The following MALRD1 variants were observed in gnomAD, a reference collection of about 807,000 sequenced individuals.
MALRD1 encodes MAM and LDL receptor class A domain containing 1.
In MALRD1, 247 loss-of-function variants were observed where a neutral mutation model predicts 242.1. The ratio of observed to expected loss-of-function variants is 1.02; its 90% confidence interval spans 0.92 to 1.13. The LOEUF (loss-of-function observed/expected upper bound fraction) is 1.13, where lower values mean the gene tolerates loss of function less well. Ranked by LOEUF, MALRD1 falls within the 50% of genes most tolerant of loss-of-function variation. The pLI, the probability that MALRD1 is intolerant of heterozygous loss-of-function variation, is 0.00. For missense variants in MALRD1, 2,989 were observed against 2,533.1 expected, an observed-to-expected ratio of 1.18 and a Z score of -3.86; for synonymous variants, 995 against 866.6, an observed-to-expected ratio of 1.15 and a Z score of -2.60.
intron 11 of MALRD1, among the ~76,000 whole-genome samples, chr10:19,147,224 ATTTG>A (rs1564422554): frequency 6.6e-6 from 1 of 152,094 alleles, no homozygotes; most frequent in East Asian, 1.9e-4. Context: ...ACATTATCCT[ATTTG>A]TTTCTTCTTT....
chr10:19,444,188 G>A (rs1589083761), intron 28 of MALRD1, among the ~76,000 whole-genome samples: 1 of 151,556 alleles, frequency 6.6e-6, no homozygotes, highest in East Asian at 1.9e-4. Flanking sequence ...CCTTTATTTT[G>A]AGCCTATGTG....
chr10:19,112,184 G>A (rs1836702336), intron 5 of MALRD1, among the ~76,000 whole-genome samples: 1 of 148,496 alleles, frequency 6.7e-6, no homozygotes, highest in South Asian at 2.1e-4. Flanking sequence ...AGCCAGTAGA[G>A]CTCAGGCTTA....
At chr10:19,131,355 A>C (rs1361104631) in intron 8 of MALRD1, among the ~76,000 whole-genome samples, 1 of 152,110 alleles carries the variant, frequency 6.6e-6, no homozygotes, top group East Asian at 1.9e-4. Context: ...AGAACTTGAG[A>C]AGTGAAAAAC....
At chr10:19,421,479 A>G (rs1033271817) in intron 28 of MALRD1, among the ~76,000 whole-genome samples, 2 of 152,200 alleles carry the variant, frequency 1.3e-5, no homozygotes, top group African/African-American at 2.4e-5. Flanking sequence ...CAGTGAAGTA[A>G]GTATGAGGCA....
chr10:19,115,660 G>A (rs941465504), intron 5 of MALRD1, among the ~76,000 whole-genome samples: 3 of 152,098 alleles, frequency 2.0e-5, no homozygotes, highest in African/African-American at 7.2e-5. Context: ...AATATATCAT[G>A]AGGTCAGGAG....
intron 32 of MALRD1, among the ~76,000 whole-genome samples, chr10:19,564,122 A>G (rs1836150274): frequency 6.6e-6 from 1 of 152,162 alleles, no homozygotes; most frequent in Non-Finnish European, 1.5e-5. Context: ...ACCCAGTCTC[A>G]GGTATTCCTT....
chr10:19,123,669 G>T (rs1038748540), intron 6 of MALRD1, 76 bp downstream of exon 6: 11 of 823,772 alleles, frequency 1.3e-5, no homozygotes, highest in Non-Finnish European at 1.8e-5. Flanking sequence ...ACAGGAAAGT[G>T]CACGCGCCAA....
At chr10:19,132,683 G>C (rs1315053692) in intron 8 of MALRD1, among the ~76,000 whole-genome samples, 1 of 152,196 alleles carries the variant, frequency 6.6e-6, no homozygotes, top group South Asian at 2.1e-4. Context: ...ACAGAGCCAG[G>C]CTCAGAGCTC....
In MALRD1 at chr10:19,205,236, G is replaced by T. The variant is rs1301825342; in HGVS notation, c.2549G>T (p.Cys850Phe). ...KLRLCDLVDD[C>F]GDRTDEVNCA... ...CGGTTATGTGATCTGGTGGATGACT[G>T]TGGTGATCGTACTGATGAAGTCAAC... is the stretch of plus-strand genomic sequence containing the variant. The change falls in exon 17 of 40, where the codon TGT becomes TTT. Residue 850 changes from cysteine (C) to phenylalanine (F), a missense_variant. Cys to Phe is a radical substitution (Grantham distance 205). Coordinates refer to ENST00000454679, the MANE Select transcript of MALRD1 (RefSeq NM_001142308.3). The T allele has an allele frequency of 1.3e-6, 2 of 1,550,600 alleles. No individual in the cohort carries two copies. Among genetic ancestry groups the T allele is most frequent in the Admixed American group, 2.0e-5 (1 of 50,954 alleles).
At position 19,510,131 on chromosome 10, in the gene MALRD1, A is replaced by G. The variant is rs117152062; in HGVS notation, c.5320+11485A>G. Among the ~76,000 whole-genome samples, 367 of 152,302 alleles carry G rather than the reference A, an allele frequency of 2.4e-3. 7 individuals are homozygous for G. The East Asian group carries it at 0.05, about 21-fold the overall frequency. On this transcript the variant is annotated intron_variant, in intron 31 of 39. Transcript: ENST00000454679. ...AAAAGGTGCTGTGCTTTTGATGTGC[A>G]CGTACGTAAACATCTCAATGCCTTA...
intron 14 of MALRD1, among the ~76,000 whole-genome samples, chr10:19,185,058 A>G (rs1835679242): frequency 6.6e-6 from 1 of 152,234 alleles, no homozygotes; most frequent in Non-Finnish European, 1.5e-5. Flanking sequence ...CTCAAGACTA[A>G]AATAAATAAT....
At chr10:19,400,279 A>G (rs1185451728) in intron 28 of MALRD1, among the ~76,000 whole-genome samples, 1 of 151,644 alleles carries the variant, frequency 6.6e-6, no homozygotes, top group Non-Finnish European at 1.5e-5. Flanking sequence ...CTTTTCCTGA[A>G]AAGGTAGTTT....
At chr10:19,682,726 A>G (rs984952767) in intron 36 of MALRD1, among the ~76,000 whole-genome samples, 14 of 152,178 alleles carry the variant, frequency 9.2e-5, no homozygotes, top group African/African-American at 3.1e-4. Flanking sequence ...ACCCATGACA[A>G]TGAGAATAGC....
At chr10:19,548,919 C>T (rs554817042) in intron 32 of MALRD1, among the ~76,000 whole-genome samples, 5 of 152,158 alleles carry the variant, frequency 3.3e-5, no homozygotes, top group African/African-American at 9.7e-5. Flanking sequence ...GAAAGCTAGA[C>T]GTCTTGCTCC....
chr10:19,419,330 T>A (rs1045454076), intron 28 of MALRD1, among the ~76,000 whole-genome samples: 2 of 152,196 alleles, frequency 1.3e-5, no homozygotes, highest in African/African-American at 4.8e-5. Flanking sequence ...AGTCTCATTC[T>A]GTCACCCAGG....
At chr10:19,564,170 C>G (rs1316372262) in intron 32 of MALRD1, among the ~76,000 whole-genome samples, 3 of 152,156 alleles carry the variant, frequency 2.0e-5, no homozygotes, top group Non-Finnish European at 2.9e-5. Context: ...ACCATCTATT[C>G]TGGAACTTAA....
intron 38 of MALRD1, among the ~76,000 whole-genome samples, chr10:19,701,823 C>T (rs1833646002): frequency 6.7e-6 from 1 of 149,506 alleles, no homozygotes; most frequent in African/African-American, 2.5e-5. Context: ...CTTCTCCATC[C>T]CTCACCTTCT....
intron 23 of MALRD1, among the ~76,000 whole-genome samples, chr10:19,327,946 G>A (rs752481251): frequency 1.3e-4 from 20 of 152,056 alleles, no homozygotes; most frequent in Non-Finnish European, 2.4e-4. Context: ...AGCCTCACAC[G>A]TATAAGGAAC....
chr10:19,461,183 T>C lies in MALRD1; in HGVS notation c.5029+10693T>C, dbSNP rs77274256. On this transcript the variant is annotated intron_variant, in intron 29 of 39. Transcript: ENST00000454679. ...GACCCAGCATATACACAATCTCATTTAAGAGGGGAATAAGAATGTTTAGTA... is the reference window on the plus strand; with the variant it reads ...GACCCAGCATATACACAATCTCATTCAAGAGGGGAATAAGAATGTTTAGTA... Among the ~76,000 whole-genome samples, 388 of 152,234 alleles carry C rather than the reference T, an allele frequency of 2.5e-3. 9 individuals are homozygous for C. In the East Asian group the frequency reaches 0.052, roughly 20 times the overall value.
Sources: gnomAD v4.1 joint callset for allele counts (sites outside exome capture counted in the v4.1 genomes callset) on GRCh38, gnomAD v4.1.1 for gene constraint, MANE v1.5 for transcripts, NCBI Gene and HGNC (gene_info 2026-07-23, HGNC 2026-07-21) for gene names.